Variants in PROM1 observed in about 807,000 individuals in gnomAD.
PROM1 encodes prominin-1.
PROM1 carries 105 observed loss-of-function variants against 116.9 expected under a neutral mutation model. The observed-to-expected ratio is 0.90, with a 90% CI of 0.77 to 1.06. PROM1 has a LOEUF of 1.06. PROM1 is among the 50% of genes least tolerant of loss of function. The pLI is 0.00. For synonymous variants in PROM1, 393 were observed against 387.0 expected, an observed-to-expected ratio of 1.02 and a Z score of -0.18; for missense variants, 1,122 against 1,045.2, an observed-to-expected ratio of 1.07 and a Z score of -1.01.
chr4:16,054,156 T>G (rs1057062310), intron 2 of PROM1, among the ~76,000 whole-genome samples: 2 of 152,202 alleles, frequency 1.3e-5, no homozygotes, highest in African/African-American at 4.8e-5. Flanking sequence ...ATCATCCAGT[T>G]CAGATCTCCA....
chr4:16,014,172 C>A (rs2149278478), intron 10 of PROM1, among the ~76,000 whole-genome samples: 1 of 152,230 alleles, frequency 6.6e-6, no homozygotes, highest in South Asian at 2.1e-4. Context: ...AGCCGTCTGC[C>A]AGGGAAAAGT....
chr4:16,020,655 AACC>A (rs1253946934), intron 8 of PROM1, among the ~76,000 whole-genome samples: 10 of 152,302 alleles, frequency 6.6e-5, no homozygotes, highest in Admixed American at 1.3e-4. Context: ...TTAAGGCAAG[AACC>A]ACCACCACCA....
chr4:16,054,094 GAACAA>G lies in PROM1; in HGVS notation c.221-15098_221-15094del, dbSNP rs1318707859. ...GGGTGACAGTGCAAGACTCTGTCTC[GAACAA>G]AACAAAACAAACTAATTTATAAGAC... On this transcript the variant is annotated intron_variant, in intron 2 of 27. Transcript: ENST00000447510. Among the ~76,000 whole-genome samples, 3 of 152,000 alleles carry G rather than the reference GAACAA, an allele frequency of 2.0e-5. No homozygotes were observed. The East Asian group carries it at 5.8e-4, about 29-fold the overall frequency.
At chr4:15,975,306 G>T (rs941138438) in intron 26 of PROM1, among the ~76,000 whole-genome samples, 1 of 152,042 alleles carries the variant, frequency 6.6e-6, no homozygotes, top group Non-Finnish European at 1.5e-5. Context: ...TGCAACCTCC[G>T]CCTCCCGGGT....
intron 10 of PROM1, among the ~76,000 whole-genome samples, chr4:16,014,115 C>T (rs1412850860): frequency 6.6e-6 from 1 of 152,198 alleles, no homozygotes; most frequent in Non-Finnish European, 1.5e-5. Flanking sequence ...AGCCTTTCCT[C>T]TGGAAGAGGT....
chr4:16,071,589 A>G (rs1742834244), intron 2 of PROM1, among the ~76,000 whole-genome samples: 1 of 152,182 alleles, frequency 6.6e-6, no homozygotes, highest in South Asian at 2.1e-4. Flanking sequence ...GATTAGAGAA[A>G]GAGAAGATAT....
Position 16,003,339 on chromosome 4 carries a change from A to ACTTC in PROM1, c.1455-2724_1455-2721dup, listed in dbSNP as rs1352579234. The ACTTC allele has an allele frequency of 6.6e-6, 3 of 456,718 alleles. No individual in the cohort carries two copies. The Admixed American group carries it at 7.0e-5, about 11-fold the overall frequency. 28.3% of individuals were successfully genotyped at this position (456,718 alleles called of 1,614,324 possible). The stretch of plus-strand genomic sequence containing the variant: ...TGATGATTTCTTCACAGTTTGGCTT[A>ACTTC]CTTCCTTCACCTAGATTCCCCAAAA... On this transcript the variant is annotated intron_variant, in intron 13 of 27. Coordinates refer to ENST00000447510, the MANE Select transcript of PROM1 (RefSeq NM_006017.3).
chr4:16,074,002 A>C lies in PROM1; in HGVS notation c.220+1685T>G, dbSNP rs577011018. Among the ~76,000 whole-genome samples the C allele has an allele frequency of 2.0e-5, 3 of 152,364 alleles. No homozygotes were observed. The East Asian group carries it at 5.8e-4, about 29-fold the overall frequency. ...ATATGCCTTAGAATGAGACACGGGA[A>C]GCTTTCCAGTCTTTTTGAGGAAATG... On this transcript the variant is annotated intron_variant, in intron 2 of 27. Transcript: ENST00000447510.
intron 11 of PROM1, among the ~76,000 whole-genome samples, chr4:16,010,841 CATCTAGAAATCAAAGACACAGA>C (rs1205867444): frequency 6.6e-6 from 1 of 152,102 alleles, no homozygotes; most frequent in African/African-American, 2.4e-5. Flanking sequence ...ATAGCTATGA[CATCTAGAAATCAAAGACACAGA>C]AGCGAGCAAC....
chr4:16,055,651 A>T (rs1482772545), intron 2 of PROM1, among the ~76,000 whole-genome samples: 1 of 152,208 alleles, frequency 6.6e-6, no homozygotes, highest in Non-Finnish European at 1.5e-5. Context: ...GAGGCATTTC[A>T]CAGACAAACC....
At chr4:16,009,885 T>G (rs553729528) in intron 11 of PROM1, among the ~76,000 whole-genome samples, 3 of 146,410 alleles carry the variant, frequency 2.0e-5, no homozygotes, top group Non-Finnish European at 4.5e-5. Flanking sequence ...GAGCCAAGAT[T>G]GTGCCATTCA....
intron 1 of PROM1, chr4:16,080,022 A>G (rs916980331): frequency 2.6e-5 from 4 of 151,164 alleles, no homozygotes; most frequent in Non-Finnish European, 5.9e-5. Flanking sequence ...AAAAAAAAAA[A>G]AAAAAAAAAA....
Position 16,013,568 on chromosome 4 carries a change from G to C in PROM1, c.1078-230C>G, listed in dbSNP as rs116918457. 5.5e-3 allele frequency among the ~76,000 whole-genome samples: 841 copies of C among 152,244 alleles called. 37 individuals are homozygous for C. In the East Asian group the frequency reaches 0.12, roughly 22 times the overall value. Reference sequence around the variant, plus strand: ...GGTCGTGTTAGAAGTTTTTCATATAGGGGGTCCCCATAATTTTAAAATCAA... The same window carrying C: ...GGTCGTGTTAGAAGTTTTTCATATACGGGGTCCCCATAATTTTAAAATCAA... On this transcript the variant is annotated intron_variant, in intron 10 of 27. Coordinates refer to ENST00000447510, the MANE Select transcript of PROM1 (RefSeq NM_006017.3).
intron 2 of PROM1, among the ~76,000 whole-genome samples, chr4:16,055,840 G>A (rs1162975059): frequency 6.6e-6 from 1 of 151,912 alleles, no homozygotes; most frequent in Non-Finnish European, 1.5e-5. Flanking sequence ...CAAAAACTTG[G>A]AAATTAATCG....
chr4:16,025,706 A>AAC (rs922481443), intron 5 of PROM1, among the ~76,000 whole-genome samples: 3 of 128,950 alleles, frequency 2.3e-5, no homozygotes, highest in Middle Eastern at 4.0e-3. Flanking sequence ...CATGTGTGTG[A>AAC]ACACACACAC....
chr4:16,032,625 T>A (rs1445770778), intron 5 of PROM1, among the ~76,000 whole-genome samples: 1 of 152,268 alleles, frequency 6.6e-6, no homozygotes, highest in East Asian at 1.9e-4. Flanking sequence ...GGAACACTGC[T>A]GTGGCGCACT....
chr4:16,025,784 C>T lies in PROM1; in HGVS notation c.510-472G>A, dbSNP rs115859800. Among the ~76,000 whole-genome samples the T allele has an allele frequency of 2.9e-3, 436 of 152,166 alleles. 2 individuals carry two copies. Among genetic ancestry groups the T allele is most frequent in the African/African-American group, 9.6e-3 (400 of 41,520 alleles). ...CAAAGAAGGCTATAGAAAAAAACAT[C>T]AAAATGGTTAAGAGTACTTGGGCTT... is the stretch of plus-strand genomic sequence containing the variant. On this transcript the variant is annotated intron_variant, in intron 5 of 27. Coordinates refer to ENST00000447510, the MANE Select transcript of PROM1 (RefSeq NM_006017.3).
At chr4:15,988,475 C>A (rs937313749) in intron 19 of PROM1, among the ~76,000 whole-genome samples, 7 of 152,202 alleles carry the variant, frequency 4.6e-5, no homozygotes, top group African/African-American at 1.7e-4. Flanking sequence ...TCAAAAGCAG[C>A]CACAGAGAGT....
At chr4:16,075,244 A>G (rs1284074129) in intron 2 of PROM1, among the ~76,000 whole-genome samples, 1 of 152,222 alleles carries the variant, frequency 6.6e-6, no homozygotes, top group East Asian at 1.9e-4. Context: ...AGCAATGTCA[A>G]AATTTGCATA....
Sources: allele counts gnomAD v4.1 joint callset (sites outside exome capture counted in the v4.1 genomes callset), GRCh38; gene constraint gnomAD v4.1.1; transcripts MANE v1.5; gene names NCBI Gene and HGNC (gene_info 2026-07-23, HGNC 2026-07-21).